Variants in TIMP3 observed in about 807,000 individuals in gnomAD.
TIMP3 encodes the protein metalloproteinase inhibitor 3.
A neutral mutation model predicts 30.0 loss-of-function variants in TIMP3; 11 were observed. The ratio of observed to expected loss-of-function variants is 0.37; its 90% confidence interval spans 0.23 to 0.61. The LOEUF (loss-of-function observed/expected upper bound fraction) is 0.61. TIMP3 is among the 20% of genes least tolerant of loss of function. TIMP3 has a pLI of 0.70. For missense variants in TIMP3, 181 were observed against 276.8 expected, an observed-to-expected ratio of 0.65 and a Z score of 2.45; for synonymous variants, 112 against 111.3, an observed-to-expected ratio of 1.01 and a Z score of -0.04.
chr22:32,826,531 T>C (rs1372040977), intron 1 of TIMP3, among the ~76,000 whole-genome samples: 6 of 152,204 alleles, frequency 3.9e-5, no homozygotes, highest in Non-Finnish European at 5.9e-5. Context: ...GGTCCTATTT[T>C]GTTAAATTTT....
chr22:32,851,677 C>A (rs570030827), intron 2 of TIMP3, among the ~76,000 whole-genome samples: 6 of 152,298 alleles, frequency 3.9e-5, no homozygotes, highest in African/African-American at 1.4e-4. Flanking sequence ...TAACTAAGGG[C>A]AGATCTGATC....
intron 1 of TIMP3, among the ~76,000 whole-genome samples, chr22:32,811,645 A>C (rs879598504): frequency 2.0e-5 from 3 of 152,176 alleles, no homozygotes; most frequent in Non-Finnish European, 4.4e-5. Flanking sequence ...AGTCCATTTG[A>C]TCTCATTTGA....
chr22:32,826,839 TG>T (rs2047428814), intron 1 of TIMP3, among the ~76,000 whole-genome samples: 1 of 152,188 alleles, frequency 6.6e-6, no homozygotes, highest in African/African-American at 2.4e-5. Context: ...GCAGGGTTTT[TG>T]CATTCTGCTC....
chr22:32,807,374 A>G (rs2046782496), intron 1 of TIMP3, among the ~76,000 whole-genome samples: 1 of 112,414 alleles, frequency 8.9e-6, no homozygotes, highest in East Asian at 2.2e-4. Context: ...TATATATTAT[A>G]TATAATATAT....
chr22:32,820,688 G>A (rs1238724877), intron 1 of TIMP3, among the ~76,000 whole-genome samples: 1 of 152,132 alleles, frequency 6.6e-6, no homozygotes, highest in Non-Finnish European at 1.5e-5. Flanking sequence ...TTACCCCCAG[G>A]CACCAAGGAG....
At chr22:32,840,548 C>G (rs2047866698) in intron 1 of TIMP3, among the ~76,000 whole-genome samples, 2 of 151,830 alleles carry the variant, frequency 1.3e-5, no homozygotes, top group African/African-American at 2.4e-5. Flanking sequence ...GGGGGGTCAT[C>G]ATCTTCCTGG....
chr22:32,855,488 G>A (rs569499616), intron 2 of TIMP3, among the ~76,000 whole-genome samples: 1 of 152,254 alleles, frequency 6.6e-6, no homozygotes, highest in Non-Finnish European at 1.5e-5. Flanking sequence ...CCTCTGCTTG[G>A]AATCCTAGCC....
chr22:32,849,090 T>C (rs1394851675), intron 1 of TIMP3, among the ~76,000 whole-genome samples: 2 of 152,120 alleles, frequency 1.3e-5, no homozygotes, highest in Non-Finnish European at 2.9e-5. Context: ...CATTGTCAGA[T>C]GGACAAGGGA....
At chr22:32,833,164 C>G (rs185511094) in intron 1 of TIMP3, among the ~76,000 whole-genome samples, 2 of 152,116 alleles carry the variant, frequency 1.3e-5, no homozygotes, top group African/African-American at 4.8e-5. Context: ...GTATACTGAT[C>G]GGTGGCTCCT....
At chr22:32,845,955 T>TA (rs2048050132) in intron 1 of TIMP3, among the ~76,000 whole-genome samples, 1 of 152,148 alleles carries the variant, frequency 6.6e-6, no homozygotes, top group African/African-American at 2.4e-5. Context: ...CTGGAGCAAA[T>TA]ACGGACAGAT....
Position 32,857,383 on chromosome 22 carries a change from A to G in TIMP3, c.316+23A>G, listed in dbSNP as rs367999712. ...CAGGTAATGGCCAACTCTAGCTTCT[A>G]GGCCAGGGTTTGGCCAAGGTCCACT... On this transcript the variant is annotated intron_variant, in intron 3 of 4. Coordinates refer to ENST00000266085, the MANE Select transcript of TIMP3 (RefSeq NM_000362.5). 3.8e-6 allele frequency: 6 copies of G among 1,589,078 alleles called. No individual in the cohort carries two copies. In the African/African-American group the frequency reaches 8.1e-5, roughly 21 times the overall value.
intron 1 of TIMP3, among the ~76,000 whole-genome samples, chr22:32,802,779 G>T (rs1020105144): frequency 6.6e-6 from 1 of 152,156 alleles, no homozygotes; most frequent in African/African-American, 2.4e-5. Flanking sequence ...GCCAGCAGAA[G>T]GTGCGAGGGG....
intron 1 of TIMP3, among the ~76,000 whole-genome samples, chr22:32,834,881 C>T (rs2047684429): frequency 6.6e-6 from 1 of 152,202 alleles, no homozygotes; most frequent in Non-Finnish European, 1.5e-5. Flanking sequence ...AAAGAATCCT[C>T]CATTCAAGCT....
At chr22:32,813,663 A>AT (rs130278) in intron 1 of TIMP3, among the ~76,000 whole-genome samples, 66,863 of 146,718 alleles carry the variant, frequency 0.46, 15,165 homozygotes, top group African/African-American at 0.53. Flanking sequence ...GTAACACCCA[A>AT]TTTTTTTTTT....
chr22:32,838,554 C>G (rs1225486659), intron 1 of TIMP3, among the ~76,000 whole-genome samples: 2 of 152,148 alleles, frequency 1.3e-5, no homozygotes, highest in Non-Finnish European at 2.9e-5. Context: ...CTTCCACAGA[C>G]ACATCAACAA....
chr22:32,852,628 C>G (rs1466898706), intron 2 of TIMP3, among the ~76,000 whole-genome samples: 1 of 152,154 alleles, frequency 6.6e-6, no homozygotes, highest in Non-Finnish European at 1.5e-5. Context: ...CCCTGTCTGA[C>G]CTCTCTCTTC....
rs1046306168 is a variant in TIMP3 at position 32,805,418 on chromosome 22, A to G, written c.121+3296A>G. 4.2e-4 allele frequency among the ~76,000 whole-genome samples: 64 copies of G among 152,244 alleles called. 1 individual carries two copies. Among genetic ancestry groups the G allele is most frequent in the African/African-American group, 1.3e-3 (52 of 41,560 alleles). The stretch of plus-strand genomic sequence containing the variant: ...CTCTTACACACAATTACACCTCAAC[A>G]CTGGGCTTTGCAACTTAAGGAAAAT... On this transcript the variant is annotated intron_variant, in intron 1 of 4. Coordinates refer to ENST00000266085, the MANE Select transcript of TIMP3 (RefSeq NM_000362.5).
intron 2 of TIMP3, among the ~76,000 whole-genome samples, chr22:32,855,796 T>C (rs2048346681): frequency 6.6e-6 from 1 of 152,184 alleles, no homozygotes; most frequent in African/African-American, 2.4e-5. Flanking sequence ...AAATATTTCC[T>C]AGGGGGGCAA....
chr22:32,823,274 C>G (rs570050465), intron 1 of TIMP3, among the ~76,000 whole-genome samples: 1 of 152,128 alleles, frequency 6.6e-6, no homozygotes, highest in African/African-American at 2.4e-5. Context: ...ATTGCTCTTA[C>G]GGACCTGACG....
Sources: gnomAD v4.1 joint callset for allele counts (sites outside exome capture counted in the v4.1 genomes callset) on GRCh38, gnomAD v4.1.1 for gene constraint, MANE v1.5 for transcripts, NCBI Gene and HGNC (gene_info 2026-07-23, HGNC 2026-07-21) for gene names.